The following ENPP6 variants were observed in gnomAD, a reference collection of about 807,000 sequenced individuals.
The protein encoded by ENPP6 is ectonucleotide pyrophosphatase/phosphodiesterase 6, also known as glycerophosphocholine cholinephosphodiesterase ENPP6.
ENPP6 carries 32 observed loss-of-function variants against 42.0 expected under a neutral mutation model. The observed-to-expected ratio is 0.76, with a 90% CI of 0.58 to 1.02. ENPP6 has a LOEUF of 1.02. ENPP6 is among the 50% of genes least tolerant of loss of function. The pLI is 0.00. For synonymous variants in ENPP6, 213 were observed against 216.0 expected (o/e 0.99, Z 0.12); for missense variants, 552 against 566.8 (o/e 0.97, Z 0.27).
chr4:184,153,141 T>TC (rs1006423281), intron 2 of ENPP6, among the ~76,000 whole-genome samples: 3 of 151,730 alleles, frequency 2.0e-5, no homozygotes, highest in Non-Finnish European at 2.9e-5. Context: ...TCTTTTTTTT[T>TC]CAAGATTGAG....
Position 184,150,931 on chromosome 4 carries a change from G to T in ENPP6, c.421+2623C>A, listed in dbSNP as rs181863508. ...AGACTGTGAATCAGAGGAAGATATT[G>T]GTCCCTTCTTATCCTGAAGGAGCTG... is the stretch of plus-strand genomic sequence containing the variant. On this transcript the variant is annotated intron_variant, in intron 2 of 7. Transcript: ENST00000296741. 1.8e-3 allele frequency among the ~76,000 whole-genome samples: 281 copies of T among 152,310 alleles called. 2 individuals are homozygous for T. Among genetic ancestry groups the T allele is most frequent in the African/African-American group, 6.6e-3 (273 of 41,558 alleles).
intron 1 of ENPP6, among the ~76,000 whole-genome samples, chr4:184,202,798 G>A (rs1209410712): frequency 6.6e-6 from 1 of 152,200 alleles, no homozygotes; most frequent in East Asian, 1.9e-4. Flanking sequence ...GTGTGGAATT[G>A]CTTGTTGCAA....
At chr4:184,182,535 A>G (rs1041303875) in intron 1 of ENPP6, among the ~76,000 whole-genome samples, 10 of 152,240 alleles carry the variant, frequency 6.6e-5, no homozygotes, top group Admixed American at 1.3e-4. Context: ...AATACAAATC[A>G]TTCTATTATA....
At position 184,089,173 on chromosome 4, in the gene ENPP6, C is replaced by T. The variant is rs960761674; in HGVS notation, c.*2004G>A. ...CTAGATAACAAAGGCTGAAGAGTTG[C>T]CTTCTTTCCAATTGATCCGATGGTT... On this transcript the variant is annotated 3_prime_UTR_variant, in exon 8 of 8. Coordinates refer to ENST00000296741, the MANE Select transcript of ENPP6 (RefSeq NM_153343.4). The T allele has an allele frequency of 6.6e-6, 1 of 152,174 alleles. No individual in the cohort carries two copies. The highest frequency in any genetic ancestry group is 1.9e-4 in the East Asian group (1 of 5,202). 9.4% of individuals were successfully genotyped at this position (152,174 alleles called of 1,614,324 possible).
At chr4:184,180,568 T>C (rs1221981697) in intron 1 of ENPP6, among the ~76,000 whole-genome samples, 1 of 152,116 alleles carries the variant, frequency 6.6e-6, no homozygotes, top group Non-Finnish European at 1.5e-5. Context: ...AAAAGAAAAC[T>C]TCAGGCCAAT....
At chr4:184,118,693 C>T (rs1294232122) in intron 3 of ENPP6, among the ~76,000 whole-genome samples, 1 of 152,238 alleles carries the variant, frequency 6.6e-6, no homozygotes, top group Non-Finnish European at 1.5e-5. Context: ...TTAGCTGACA[C>T]ATGCTTGCTT....
chr4:184,155,741 G>A (rs1361133488), intron 1 of ENPP6, among the ~76,000 whole-genome samples: 1 of 152,148 alleles, frequency 6.6e-6, no homozygotes, highest in Non-Finnish European at 1.5e-5. Flanking sequence ...TTTTCACAAG[G>A]CTGCATACAA....
chr4:184,104,022 C>T (rs7662087), intron 6 of ENPP6, among the ~76,000 whole-genome samples: 143,999 of 149,982 alleles, frequency 0.96, 69,207 homozygotes, highest in East Asian at 1. Context: ...CTTTTCTTTT[C>T]TTTTTTTGAA....
intron 6 of ENPP6, among the ~76,000 whole-genome samples, chr4:184,100,473 G>C (rs952307587): frequency 6.6e-6 from 1 of 152,186 alleles, no homozygotes; most frequent in African/African-American, 2.4e-5. Context: ...CTGCCACACA[G>C]CGCCACCTAG....
chr4:184,151,333 T>A (rs1737022005), intron 2 of ENPP6, among the ~76,000 whole-genome samples: 1 of 152,182 alleles, frequency 6.6e-6, no homozygotes, highest in African/African-American at 2.4e-5. Flanking sequence ...AGTGAAACTC[T>A]GTCAAAAACA....
rs75828453 is a variant in ENPP6 at position 184,139,033 on chromosome 4, G to A, written c.421+14521C>T. The stretch of plus-strand genomic sequence containing the variant: ...TCTGACTGCAAGTCCTGCAGACACC[G>A]TTCATTTGGGTGGAAGTCATGTGTC... On this transcript the variant is annotated intron_variant, in intron 2 of 7. Coordinates refer to ENST00000296741, the MANE Select transcript of ENPP6 (RefSeq NM_153343.4). 1.3e-3 allele frequency among the ~76,000 whole-genome samples: 202 copies of A among 152,322 alleles called. 1 individual carries two copies. The East Asian group carries it at 0.019, about 14-fold the overall frequency.
intron 5 of ENPP6, 63 bp downstream of exon 5, chr4:184,116,793 G>A: frequency 2.5e-6 from 4 of 1,589,006 alleles, no homozygotes; most frequent in East Asian, 2.2e-5. Flanking sequence ...GGAAAAGACA[G>A]TGCAGATGGC....
chr4:184,117,768 C>T lies in ENPP6; in HGVS notation c.666G>A (p.Lys222=), dbSNP rs369581585. Residue 222 remains lysine (K), a synonymous_variant, in exon 4 of 8, where the codon AAG becomes AAA. Coordinates refer to ENST00000296741, the MANE Select transcript of ENPP6 (RefSeq NM_153343.4). The part of the protein sequence containing the change: ...AVDTVLKYMT[K]WIQERGLQDR... The stretch of plus-strand genomic sequence containing the variant: ...CTTTGCTTCAGGTCACCTGGATCCA[C>T]TTGGTCATGTACTTCAGGACAGTGT... 8.1e-6 allele frequency: 13 copies of T among 1,613,838 alleles called. No individual in the cohort carries two copies. The African/African-American group carries it at 1.5e-4, about 18-fold the overall frequency.
chr4:184,172,000 A>C (rs1427453464), intron 1 of ENPP6, among the ~76,000 whole-genome samples: 1 of 152,140 alleles, frequency 6.6e-6, no homozygotes, highest in Non-Finnish European at 1.5e-5. Flanking sequence ...GAGGTGCAGC[A>C]TTGGCTAGGC....
chr4:184,150,196 GAACTATATTA>G (rs942729081), intron 2 of ENPP6, among the ~76,000 whole-genome samples: 2 of 152,160 alleles, frequency 1.3e-5, no homozygotes. Context: ...AGGGCCTGTT[GAACTATATTA>G]AACGCCTCAA....
intron 7 of ENPP6, among the ~76,000 whole-genome samples, chr4:184,092,196 G>A (rs929447934): frequency 4.6e-5 from 7 of 151,876 alleles, no homozygotes; most frequent in Non-Finnish European, 8.8e-5. Context: ...GCCCCATCGA[G>A]GTCACAGGTC....
In ENPP6 at chr4:184,166,748, G is replaced by A. The variant is rs61083025; in HGVS notation, c.242-13015C>T. On this transcript the variant is annotated intron_variant, in intron 1 of 7. Transcript: ENST00000296741. ...TTTGGAGGGAGGAGCTTCTTACTTG[G>A]GGCATGTCTACCTCCATACAGGAAA... 6.2e-3 allele frequency among the ~76,000 whole-genome samples: 944 copies of A among 152,254 alleles called. 16 individuals carry two copies. Among genetic ancestry groups the A allele is most frequent in the African/African-American group, 0.02 (843 of 41,538 alleles).
At chr4:184,212,546 C>G (rs927611358) in intron 1 of ENPP6, among the ~76,000 whole-genome samples, 4 of 151,002 alleles carry the variant, frequency 2.6e-5, no homozygotes, top group African/African-American at 7.4e-5. Flanking sequence ...TGTGAAGGAC[C>G]TCTTCAAGGA....
At chr4:184,099,279 G>A (rs1046728882) in intron 6 of ENPP6, among the ~76,000 whole-genome samples, 3 of 152,252 alleles carry the variant, frequency 2.0e-5, no homozygotes, top group African/African-American at 4.8e-5. Flanking sequence ...CTCACGGAGT[G>A]TGGCCAGACA....
Sources: gnomAD v4.1 joint callset for allele counts (sites outside exome capture counted in the v4.1 genomes callset) on GRCh38, gnomAD v4.1.1 for gene constraint, MANE v1.5 for transcripts, NCBI Gene and HGNC (gene_info 2026-07-23, HGNC 2026-07-21) for gene names.